The following TMTC2 variants were observed in gnomAD, a reference collection of about 807,000 sequenced individuals.
The protein encoded by TMTC2 is transmembrane O-mannosyltransferase targeting cadherins 2.
TMTC2 carries 43 observed loss-of-function variants against 82.4 expected under a neutral mutation model. The ratio of observed to expected loss-of-function variants is 0.52; its 90% CI spans 0.41 to 0.67. The LOEUF is 0.67. Among genes scored for constraint, TMTC2 ranks in the 30% least tolerant of loss-of-function variants. The pLI is 0.00. For missense variants in TMTC2, 919 were observed against 1,012.4 expected (o/e 0.91, Z 1.25); for synonymous variants, 408 against 381.9 (o/e 1.07, Z -0.80).
chr12:82,839,760 G>A (rs577572965), intron 1 of TMTC2, among the ~76,000 whole-genome samples: 1 of 152,184 alleles, frequency 6.6e-6, no homozygotes, highest in Non-Finnish European at 1.5e-5. Context: ...TCCTTCTGAT[G>A]AGTCTGCTTC....
At chr12:82,905,682 C>G (rs1211168713) in intron 3 of TMTC2, among the ~76,000 whole-genome samples, 1 of 152,136 alleles carries the variant, frequency 6.6e-6, no homozygotes, top group South Asian at 2.1e-4. Flanking sequence ...CCATGGCTCA[C>G]GCCTGTAATC....
intron 2 of TMTC2, among the ~76,000 whole-genome samples, chr12:82,875,770 G>A (rs1041281210): frequency 2.6e-5 from 4 of 151,952 alleles, no homozygotes; most frequent in Non-Finnish European, 5.9e-5. Context: ...TTAGCTTGTG[G>A]TGTTAGGGCA....
chr12:83,039,209 A>G (rs1881796487), intron 9 of TMTC2, among the ~76,000 whole-genome samples: 1 of 152,128 alleles, frequency 6.6e-6, no homozygotes, highest in African/African-American at 2.4e-5. Flanking sequence ...CTAGGATTAC[A>G]GGCGTAAGCC....
chr12:82,881,644 C>A (rs151098352), intron 2 of TMTC2, among the ~76,000 whole-genome samples: 1 of 152,154 alleles, frequency 6.6e-6, no homozygotes, highest in Admixed American at 6.5e-5. Context: ...TTCACAGCCA[C>A]GTTAATAATT....
At chr12:82,870,552 A>C (rs1872121126) in intron 2 of TMTC2, among the ~76,000 whole-genome samples, 1 of 152,236 alleles carries the variant, frequency 6.6e-6, no homozygotes, top group Non-Finnish European at 1.5e-5. Flanking sequence ...TCAATTCTAC[A>C]CAGCACCACT....
At chr12:82,743,258 T>C (rs1000091282) in intron 1 of TMTC2, among the ~76,000 whole-genome samples, 3 of 152,014 alleles carry the variant, frequency 2.0e-5, no homozygotes, top group African/African-American at 7.2e-5. Flanking sequence ...CTGGCTAACA[T>C]GGTGAAACCC....
chr12:82,849,039 G>C (rs1870833710), intron 1 of TMTC2, among the ~76,000 whole-genome samples: 1 of 152,062 alleles, frequency 6.6e-6, no homozygotes, highest in African/African-American at 2.4e-5. Context: ...TGGCCTTGAG[G>C]TCATCAAGAG....
intron 2 of TMTC2, among the ~76,000 whole-genome samples, chr12:82,888,060 CAA>C (rs201344607): frequency 0.017 from 2,635 of 152,078 alleles, 78 homozygotes; most frequent in African/African-American, 0.059. Flanking sequence ...GCCTGGGTAA[CAA>C]GAGCGAAACT....
At chr12:82,811,993 A>AT (rs1416241585) in intron 1 of TMTC2, among the ~76,000 whole-genome samples, 2 of 150,936 alleles carry the variant, frequency 1.3e-5, no homozygotes, top group Non-Finnish European at 3.0e-5. Context: ...AATTTTTGTA[A>AT]TTTTAATAGA....
At chr12:82,810,227 G>A (rs1325549700) in intron 1 of TMTC2, among the ~76,000 whole-genome samples, 1 of 150,436 alleles carries the variant, frequency 6.6e-6, no homozygotes, top group Non-Finnish European at 1.5e-5. Context: ...TTTCTTTGCT[G>A]TGGTCAAAGG....
intron 7 of TMTC2, among the ~76,000 whole-genome samples, chr12:82,981,800 T>G (rs1878930610): frequency 6.6e-6 from 1 of 151,886 alleles, no homozygotes; most frequent in Non-Finnish European, 1.5e-5. Flanking sequence ...ATTTCCTTTA[T>G]GGAATTTTTA....
intron 2 of TMTC2, among the ~76,000 whole-genome samples, chr12:82,881,994 ATT>A (rs869127384): frequency 3.6e-4 from 39 of 107,256 alleles, no homozygotes; most frequent in African/African-American, 9.9e-4. Flanking sequence ...TGTTGTTAAG[ATT>A]TTTTTTTTTT....
intron 11 of TMTC2, among the ~76,000 whole-genome samples, chr12:83,100,380 TTTTTTTG>T (rs748769962): frequency 3.9e-5 from 6 of 152,120 alleles, no homozygotes; most frequent in Admixed American, 3.3e-4. Context: ...TTGTTTGTGT[TTTTTTTG>T]TTTTTTGTTT....
At chr12:82,853,937 G>GTT (rs368710876) in intron 1 of TMTC2, among the ~76,000 whole-genome samples, 9 of 143,448 alleles carry the variant, frequency 6.3e-5, no homozygotes, top group African/African-American at 2.3e-4. Context: ...TTTGGCAGTT[G>GTT]TTTTTTTTTT....
chr12:83,130,335 A>C (rs972722102), intron 11 of TMTC2, among the ~76,000 whole-genome samples: 1 of 152,210 alleles, frequency 6.6e-6, no homozygotes, highest in African/African-American at 2.4e-5. Context: ...TTTTAGGAAG[A>C]CAGAGTAGGT....
chr12:83,035,664 T>A (rs1236653015), intron 9 of TMTC2, among the ~76,000 whole-genome samples: 1 of 152,180 alleles, frequency 6.6e-6, no homozygotes, highest in Non-Finnish European at 1.5e-5. Flanking sequence ...CTTTATTGAA[T>A]TCAGTTTATA....
chr12:82,922,128 G>A (rs1372730299), intron 3 of TMTC2, among the ~76,000 whole-genome samples: 1 of 151,962 alleles, frequency 6.6e-6, no homozygotes, highest in African/African-American at 2.4e-5. Flanking sequence ...ATTTGTAACT[G>A]TTATTTACAC....
intron 3 of TMTC2, among the ~76,000 whole-genome samples, chr12:82,912,527 T>G (rs1203616405): frequency 6.6e-6 from 1 of 152,230 alleles, no homozygotes; most frequent in Non-Finnish European, 1.5e-5. Context: ...ACCAAGTCAG[T>G]TGACTTAATC....
chr12:83,122,146 C>T (rs7954865), intron 11 of TMTC2, among the ~76,000 whole-genome samples: 38,117 of 150,496 alleles, frequency 0.25, 5,539 homozygotes, highest in African/African-American at 0.41. Flanking sequence ...TGAGAACTTA[C>T]CCCATGCTAC....
Sources: allele counts gnomAD v4.1 joint callset (sites outside exome capture counted in the v4.1 genomes callset), GRCh38; gene constraint gnomAD v4.1.1; transcripts MANE v1.5; gene names NCBI Gene and HGNC (gene_info 2026-07-23, HGNC 2026-07-21).